Variants in ASH1L observed in about 807,000 individuals in gnomAD.
ASH1L encodes the protein histone-lysine N-methyltransferase ASH1L.
ASH1L carries 23 observed loss-of-function variants against 269.0 expected under a neutral mutation model. The ratio of observed to expected loss-of-function variants is 0.09; its 90% confidence interval spans 0.06 to 0.12. The LOEUF (loss-of-function observed/expected upper bound fraction) is 0.12. Among genes scored for constraint, ASH1L ranks in the 10% least tolerant of loss-of-function variants. The probability of loss-of-function intolerance (pLI) is 1.00; values close to 1 mark genes in which losing one functional copy is unlikely to be tolerated. For missense variants in ASH1L, 2,912 were observed against 3,567.8 expected (o/e 0.82, Z 4.68); for synonymous variants, 1,187 against 1,253.5 (o/e 0.95, Z 1.12).
rs142400578 is a variant in ASH1L at position 155,479,354 on chromosome 1, C to T, written c.3516G>A (p.Ser1172=). 84 of 1,613,894 alleles carry T rather than the reference C, an allele frequency of 5.2e-5. No individual in the cohort carries two copies. In the South Asian group the frequency reaches 6.4e-4, roughly 12 times the overall value. Residue 1172 remains serine (S), a synonymous_variant, in exon 3 of 28, where the codon TCG becomes TCA. Coordinates refer to ENST00000392403, the MANE Select transcript of ASH1L (RefSeq NM_018489.3). The stretch of plus-strand genomic sequence containing the variant: ...TTAGAGATGTGAGTTCACTCAAGTG[C>T]GAAGGAGAATTTGGCAACAAAGTAG... ...SPPTLLPNSP[S]HLSELTSLKE... is the part of the protein sequence containing the mutation.
At chr1:155,359,621 G>T (rs1490290982) in intron 13 of ASH1L, among the ~76,000 whole-genome samples, 1 of 151,634 alleles carries the variant, frequency 6.6e-6, no homozygotes, top group Non-Finnish European at 1.5e-5. Flanking sequence ...TGTTCCACAG[G>T]CTGCAGTGCA....
At chr1:155,451,225 T>G (rs1334668728) in intron 4 of ASH1L, among the ~76,000 whole-genome samples, 2 of 140,944 alleles carry the variant, frequency 1.4e-5, no homozygotes, top group Admixed American at 7.0e-5. Context: ...GAAATAAAAA[T>G]AAATAAAAAA....
chr1:155,488,558 A>C (rs1666499159), intron 2 of ASH1L, among the ~76,000 whole-genome samples: 1 of 148,346 alleles, frequency 6.7e-6, no homozygotes, highest in Admixed American at 6.9e-5. Context: ...GGTCCCAGCT[A>C]CTCAAGAGGC....
intron 3 of ASH1L, among the ~76,000 whole-genome samples, chr1:155,472,971 T>C (rs1665221162): frequency 6.6e-6 from 1 of 152,194 alleles, no homozygotes; most frequent in African/African-American, 2.4e-5. Flanking sequence ...ATTACTCTCA[T>C]GATTATACAT....
At chr1:155,360,513 G>A (rs1277094927) in intron 12 of ASH1L, 104 bp from the exon 13 acceptor site, 4 of 658,398 alleles carry the variant, frequency 6.1e-6, no homozygotes, top group African/African-American at 1.9e-5. Context: ...GTGCGATCTT[G>A]GCTCACCGCA....
intron 7 of ASH1L, among the ~76,000 whole-genome samples, chr1:155,385,375 T>C (rs562064128): frequency 1.3e-5 from 2 of 152,080 alleles, no homozygotes; most frequent in South Asian, 2.1e-4. Context: ...ACCTGGGAGG[T>C]AGAGGCTACG....
chr1:155,482,951 C>A (rs1666058971), intron 2 of ASH1L, among the ~76,000 whole-genome samples: 1 of 152,230 alleles, frequency 6.6e-6, no homozygotes, highest in Non-Finnish European at 1.5e-5. Flanking sequence ...AACTCATTCT[C>A]AATTATGGTC....
At chr1:155,548,647 A>G (rs1049817191) in intron 1 of ASH1L, among the ~76,000 whole-genome samples, 2 of 152,214 alleles carry the variant, frequency 1.3e-5, no homozygotes, top group African/African-American at 4.8e-5. Flanking sequence ...CAAATTATCA[A>G]AAGATTCTCT....
intron 6 of ASH1L, among the ~76,000 whole-genome samples, chr1:155,408,654 T>C (rs1180631366): frequency 6.6e-6 from 1 of 152,058 alleles, no homozygotes; most frequent in Non-Finnish European, 1.5e-5. Context: ...CAGGGGCCAG[T>C]TTAAAGGGGC....
chr1:155,490,946 A>G, intron 2 of ASH1L, among the ~76,000 whole-genome samples: 1 of 123,698 alleles, frequency 8.1e-6, no homozygotes, highest in Non-Finnish European at 1.6e-5. Context: ...CTAACCTGGG[A>G]GACAGGGTGA....
intron 5 of ASH1L, among the ~76,000 whole-genome samples, chr1:155,427,014 G>A (rs906577245): frequency 1.3e-5 from 2 of 151,210 alleles, no homozygotes; most frequent in South Asian, 4.2e-4. Context: ...GTGTAGGTCT[G>A]TTTCTTTTAT....
At chr1:155,439,585 A>G (rs1040215412) in intron 4 of ASH1L, among the ~76,000 whole-genome samples, 1 of 152,134 alleles carries the variant, frequency 6.6e-6, no homozygotes, top group Non-Finnish European at 1.5e-5. Flanking sequence ...CTATGGTCAC[A>G]GCTATTTATG....
intron 7 of ASH1L, among the ~76,000 whole-genome samples, chr1:155,382,526 A>G (rs888345661): frequency 1.3e-5 from 2 of 151,990 alleles, no homozygotes; most frequent in African/African-American, 2.4e-5. Context: ...ACAAACAAAA[A>G]CCCAAACCAA....
chr1:155,379,481 T>C (rs1031061528), intron 8 of ASH1L, among the ~76,000 whole-genome samples: 1 of 152,166 alleles, frequency 6.6e-6, no homozygotes, highest in African/African-American at 2.4e-5. Context: ...CTGGGGGCTA[T>C]AAGCTAATAC....
chr1:155,376,700 C>G (rs768935644), intron 10 of ASH1L, among the ~76,000 whole-genome samples: 1 of 150,092 alleles, frequency 6.7e-6, no homozygotes, highest in African/African-American at 2.5e-5. Context: ...TAAAAAAATA[C>G]AAAAATTAGC....
rs971789780 is a variant in ASH1L, at chr1:155,471,876, G to A, written c.4984+6010C>T. Among the ~76,000 whole-genome samples, 7 of 152,192 alleles carry A rather than the reference G, an allele frequency of 4.6e-5. No individual in the cohort carries two copies. The East Asian group carries it at 1.3e-3, about 29-fold the overall frequency. On this transcript the variant is annotated intron_variant, in intron 3 of 27. Coordinates refer to ENST00000392403, the MANE Select transcript of ASH1L (RefSeq NM_018489.3). Reference sequence around the variant, plus strand: ...TGCTCTTAACTTGAGGTCTTCACTAGCTTCAGGTAATTTGTATTCAGAATT... The same window carrying A: ...TGCTCTTAACTTGAGGTCTTCACTAACTTCAGGTAATTTGTATTCAGAATT...
chr1:155,486,357 A>T (rs150514701), intron 2 of ASH1L, among the ~76,000 whole-genome samples: 164 of 152,080 alleles, frequency 1.1e-3, no homozygotes, highest in African/African-American at 3.8e-3. Context: ...AATTAAATAA[A>T]CCCCACACAC....
chr1:155,558,780 G>A (rs1196099194), intron 1 of ASH1L, among the ~76,000 whole-genome samples: 1 of 150,106 alleles, frequency 6.7e-6, no homozygotes, highest in African/African-American at 2.4e-5. Context: ...GATCCTCCTG[G>A]CTCAGCCTCC....
At chr1:155,524,540 A>G (rs901349423) in intron 1 of ASH1L, among the ~76,000 whole-genome samples, 1 of 150,390 alleles carries the variant, frequency 6.6e-6, no homozygotes, top group Non-Finnish European at 1.5e-5. Context: ...AAAAAAAAAA[A>G]GTACAAAGTT....
Sources: gnomAD v4.1 joint callset for allele counts (sites outside exome capture counted in the v4.1 genomes callset) on GRCh38, gnomAD v4.1.1 for gene constraint, MANE v1.5 for transcripts, NCBI Gene and HGNC (gene_info 2026-07-23, HGNC 2026-07-21) for gene names.